The following NDST2 variants were observed in gnomAD, a reference collection of about 807,000 sequenced individuals.
NDST2 encodes the protein N-deacetylase and N-sulfotransferase 2, also known as bifunctional heparan sulfate N-deacetylase/N-sulfotransferase 2.
A neutral mutation model predicts 86.9 loss-of-function variants in NDST2; 32 were observed. The observed-to-expected ratio is 0.37, with a 90% CI of 0.28 to 0.49. The LOEUF (loss-of-function observed/expected upper bound fraction) is 0.49. NDST2 is among the 20% of genes least tolerant of loss of function. The pLI, the probability that NDST2 is intolerant of heterozygous loss-of-function variation, is 0.97. For synonymous variants in NDST2, 409 were observed against 437.0 expected, an observed-to-expected ratio of 0.94 and a Z score of 0.80; for missense variants, 950 against 1,146.9, an observed-to-expected ratio of 0.83 and a Z score of 2.48.
rs1286939842 is a variant in NDST2 at position 73,803,289 on chromosome 10, T to G, written c.2213A>C (p.Gln738Pro). 6.2e-7 allele frequency: 1 copy of G among 1,614,020 alleles called. No individual in the cohort carries two copies. The highest frequency in any genetic ancestry group is 1.3e-5 in the African/African-American group (1 of 74,900). Residue 738 changes from glutamine (Q) to proline (P), a missense_variant, in exon 12 of 15, where the codon CAG (glutamine) becomes CCG (proline). Physicochemically the swap from Gln to Pro is moderately conservative, Grantham distance 76. This residue lies in a region of NDST2 where 303 missense variants were observed against 323.7 expected (regional missense o/e 0.94). Coordinates refer to ENST00000309979, the MANE Select transcript of NDST2 (RefSeq NM_003635.4). ...CAGGGAGCGTAGTGCCAGAGGGGTC[T>G]GGGAGGAGGCTGAAATCACCTGATA... is the stretch of plus-strand genomic sequence containing the variant. ...TFYQVISASS[Q>P]TPLALRSLQN...
rs760654676 is a variant in NDST2, at chr10:73,803,935, A to G, written c.1925T>C (p.Ile642Thr). The G allele has an allele frequency of 5.6e-6, 9 of 1,614,036 alleles. No homozygotes were observed. Among genetic ancestry groups the G allele is most frequent in the Admixed American group, 1.7e-5 (1 of 60,004 alleles). ...SFPSPSTFEE[I>T]QFFNSPNYHK... ...GTAATTAGGGCTGTTGAAGAACTGA[A>G]TCTCCTCAAATGTGCTGGGGCTAGG... is the stretch of plus-strand genomic sequence containing the variant. Residue 642 changes from isoleucine (I) to threonine (T), a missense_variant, in exon 10 of 15, where the codon ATT becomes ACT. By Grantham distance (89) the Ile-to-Thr change is moderately conservative. Transcript: ENST00000309979.
At chr10:73,803,810 C>T (rs2132861201) in intron 10 of NDST2, 62 bp from the exon 11 acceptor site, 3 of 1,613,478 alleles carry the variant, frequency 1.9e-6, no homozygotes, top group Middle Eastern at 1.7e-4. Flanking sequence ...GGCCAGAAGT[C>T]TGTGCTGAGG....
chr10:73,803,033 T>G lies in NDST2; in HGVS notation c.2362A>C (p.Met788Leu), dbSNP rs772964699. The G allele has an allele frequency of 2.5e-6, 4 of 1,614,112 alleles. No individual in the cohort carries two copies. The highest frequency in any genetic ancestry group is 1.3e-5 in the African/African-American group (1 of 74,934). ...CCCAGGAACTTCTGGATGCTCTCCA[T>G]TGAGGCTGCTGGGTTGGTACGCAGC... is the stretch of plus-strand genomic sequence containing the variant. The part of the protein sequence containing the change: ...QELRTNPAAS[M>L]ESIQKFLGIT... Residue 788 changes from methionine (M) to leucine (L), a missense_variant, in exon 13 of 15, where the codon ATG (methionine) becomes CTG (leucine). Physicochemically the swap from Met to Leu is conservative, Grantham distance 15. Transcript: ENST00000309979.
intron 8 of NDST2, 94 bp downstream of exon 8, chr10:73,805,493 G>A (rs2084084233): frequency 8.0e-7 from 1 of 1,256,246 alleles, no homozygotes; most frequent in East Asian, 2.5e-5. Context: ...TAGCCTGGGT[G>A]ACAGAGCGAG....
chr10:73,807,863 C>T lies in NDST2; in HGVS notation c.526G>A (p.Glu176Lys), dbSNP rs138052208. 10 of 1,613,168 alleles carry T rather than the reference C, an allele frequency of 6.2e-6. No homozygotes were observed. The African/African-American group carries it at 8.0e-5, about 13-fold the overall frequency. Residue 176 changes from glutamate (E) to lysine (K), a missense_variant, in exon 3 of 15, where the codon GAG becomes AAG. By Grantham distance (56) the Glu-to-Lys change is moderately conservative (BLOSUM62 1). This residue lies in a region of NDST2 where 586 missense variants were observed against 714.0 expected (regional missense o/e 0.82). Transcript: ENST00000309979. The part of the protein sequence containing the change: ...VGIIGFFRAH[E>K]HSLLSAQLKG... ...AGCTGGGCGCTCAGTAGGCTGTGCT[C>T]GTGGGCTCGGAAAAAGCCAATGATG...
At chr10:73,802,598 A>T in intron 14 of NDST2, 22 bp from the exon 15 acceptor site, 2 of 1,614,226 alleles carry the variant, frequency 1.2e-6, no homozygotes, top group Non-Finnish European at 1.7e-6. Flanking sequence ...AAATGAAGGC[A>T]GAAATGGTAA....
intron 9 of NDST2, 129 bp downstream of exon 9, chr10:73,804,644 A>C (rs2084066969): frequency 4.1e-6 from 2 of 484,880 alleles, no homozygotes; most frequent in Non-Finnish European, 6.9e-6. Context: ...TCTCAAAAAA[A>C]AAAAAATTAT....
intron 2 of NDST2, among the ~76,000 whole-genome samples, chr10:73,809,980 T>C (rs1178588104): frequency 6.6e-6 from 1 of 152,116 alleles, no homozygotes; most frequent in African/African-American, 2.4e-5. Context: ...CAGACAATCC[T>C]CCGGCCTCAG....
upstream of NDST2, chr10:73,811,693 C>T (rs967974234): frequency 6.6e-6 from 1 of 152,158 alleles, no homozygotes; most frequent in Middle Eastern, 3.2e-3. Flanking sequence ...GCCCTAGCAG[C>T]CGCGCGACCT....
Position 73,806,154 on chromosome 10 carries a change from A to T in NDST2, c.1435-126T>A, listed in dbSNP as rs1421188439. Reference sequence around the variant, plus strand: ...TAAAGCTCTTACTGAGGGTGTTAAAATTTTTTCACCTTTCTACCCCCAATT... The same window carrying T: ...TAAAGCTCTTACTGAGGGTGTTAAATTTTTTTCACCTTTCTACCCCCAATT... On this transcript the variant is annotated intron_variant, in intron 6 of 14. Transcript: ENST00000309979. This position sits in a 1 kb window ranked among gnomAD's most constrained non-coding sequence, Gnocchi z 4.5. 6.5e-7 allele frequency: 1 copy of T among 1,535,488 alleles called. No individual in the cohort carries two copies. Among genetic ancestry groups the T allele is most frequent in the Non-Finnish European group, 8.9e-7 (1 of 1,125,314 alleles).
intron 13 of NDST2, 69 bp downstream of exon 13, chr10:73,802,903 T>C (rs562738724): frequency 1.7e-4 from 266 of 1,545,170 alleles, no homozygotes; most frequent in Middle Eastern, 6.8e-4. Context: ...TCTATGTCTC[T>C]AACAGACATG....
rs1052382143 is a variant in NDST2, at chr10:73,802,745, C to T, written c.2455G>A (p.Gly819Arg). 6.2e-7 allele frequency: 1 copy of T among 1,614,174 alleles called. No homozygotes were observed. Among genetic ancestry groups the T allele is most frequent in the Admixed American group, 1.7e-5 (1 of 60,010 alleles). ...CAGCGAGTCTTACCACCTTCAAGTC[C>T]CTGGCACCAAAATCCCTTATCATCA... is the stretch of plus-strand genomic sequence containing the variant. Reference protein sequence around the residue: ...FDDDKGFWCQGLEGGKTRCLG... With the variant: ...FDDDKGFWCQRLEGGKTRCLG... Residue 819 changes from glycine (G) to arginine (R), a missense_variant, in exon 14 of 15, where the codon GGA (glycine) becomes AGA (arginine). By Grantham distance (125) the Gly-to-Arg change is moderately radical. Around this residue, in one of 5 missense-constraint regions of NDST2, gnomAD observed 303 missense variants for 323.7 expected, o/e 0.94. Coordinates refer to ENST00000309979, the MANE Select transcript of NDST2 (RefSeq NM_003635.4).
chr10:73,809,451 C>CCA (rs1471564018), intron 2 of NDST2, among the ~76,000 whole-genome samples: 1 of 152,202 alleles, frequency 6.6e-6, no homozygotes, highest in Non-Finnish European at 1.5e-5. Context: ...CCTGAGCAGG[C>CCA]CACACACTGG....
At chr10:73,804,552 G>C (rs1467353213) in intron 9 of NDST2, among the ~76,000 whole-genome samples, 1 of 152,076 alleles carries the variant, frequency 6.6e-6, no homozygotes, top group Non-Finnish European at 1.5e-5. Context: ...GAGCAGAATT[G>C]CCTGAACCTG....
At chr10:73,807,234 A>G in intron 3 of NDST2, 39 bp from the exon 4 acceptor site, 1 of 1,581,030 alleles carries the variant, frequency 6.3e-7, no homozygotes, top group South Asian at 1.1e-5. Context: ...TCAGGAGAGC[A>G]GACTGAACAG....
Position 73,803,371 on chromosome 10 carries a change from A to G in NDST2, c.2143-12T>C. 1.2e-6 allele frequency: 2 copies of G among 1,614,110 alleles called. No individual in the cohort carries two copies. Among genetic ancestry groups the G allele is most frequent in the Non-Finnish European group, 1.7e-6 (2 of 1,179,972 alleles). ...TGGGCTCGCTGATGCTGAAGGACAA[A>G]GAGAAGGAAGGTGAAGGACTGGTGA... is the stretch of plus-strand genomic sequence containing the variant. On this transcript the variant is annotated splice_polypyrimidine_tract_variant and intron_variant, in intron 11 of 14. Transcript: ENST00000309979.
chr10:73,808,056 A>C lies in NDST2; in HGVS notation c.333T>G (p.Phe111Leu). 6.2e-7 allele frequency: 1 copy of C among 1,614,250 alleles called. No individual in the cohort carries two copies. The highest frequency in any genetic ancestry group is 8.5e-7 in the Non-Finnish European group (1 of 1,180,046). ...EIVAILESSR[F>L]RYSTELAPGR... ...CAGGTGCCAACTCAGTGCTATAACG[A>C]AAACGACTAGACTCCAGGATGGCCA... is the stretch of plus-strand genomic sequence containing the variant. Residue 111 changes from phenylalanine (F) to leucine (L), a missense_variant, in exon 3 of 15, where the codon TTT becomes TTG. By Grantham distance (22) the Phe-to-Leu change is conservative. Transcript: ENST00000309979. This position sits in a 1 kb window ranked among gnomAD's most constrained non-coding sequence, Gnocchi z 4.3.
At chr10:73,805,808 C>T (rs2084091651) in intron 7 of NDST2, 39 bp from the exon 8 acceptor site, 3 of 1,613,356 alleles carry the variant, frequency 1.9e-6, no homozygotes, top group East Asian at 4.5e-5. Flanking sequence ...GGAGAGCCTA[C>T]CCCACCTCTG....
chr10:73,807,647 C>T lies in NDST2; in HGVS notation c.742G>A (p.Ala248Thr), dbSNP rs147850627. The part of the protein sequence containing the change: ...EPVLLASLRP[A>T]EPAVPGPVLR... ...ACTGGTCCTGGCACTGCGGGCTCAG[C>T]TGGCCGAAGGCTGGCAAGAAGCACT... The change falls in exon 3 of 15, where the codon GCT becomes ACT. Residue 248 changes from alanine (A) to threonine (T), a missense_variant. This residue lies in a region of NDST2 where 586 missense variants were observed against 714.0 expected (regional missense o/e 0.82). Transcript: ENST00000309979. 7 of 1,614,118 alleles carry T rather than the reference C, an allele frequency of 4.3e-6. No homozygotes were observed. The African/African-American group carries it at 9.3e-5, about 22-fold the overall frequency.
Sources: allele counts gnomAD v4.1 joint callset (sites outside exome capture counted in the v4.1 genomes callset), GRCh38; gene constraint gnomAD v4.1.1; regional missense constraint gnomAD v4.1.1; non-coding constraint Gnocchi (gnomAD v3.1); transcripts MANE v1.5; gene names NCBI Gene and HGNC (gene_info 2026-07-23, HGNC 2026-07-21).